The following MOGAT1 variants were observed in gnomAD, a reference collection of about 807,000 sequenced individuals.
MOGAT1 encodes the protein 2-acylglycerol O-acyltransferase 1.
Under a neutral mutation model 31.4 loss-of-function variants are expected in MOGAT1, and 32 were observed. The ratio of observed to expected loss-of-function variants is 1.02; its 90% CI spans 0.77 to 1.37. MOGAT1 has a LOEUF of 1.37. Among genes scored for constraint, MOGAT1 ranks in the 40% most tolerant of loss-of-function variants. The probability of loss-of-function intolerance (pLI) is 0.00; values close to 1 mark genes in which losing one functional copy is unlikely to be tolerated. For missense variants in MOGAT1, 426 were observed against 402.0 expected, an observed-to-expected ratio of 1.06 and a Z score of -0.51; for synonymous variants, 145 against 144.5, an observed-to-expected ratio of 1.00 and a Z score of -0.03.
At chr2:222,709,326 GA>G (rs1489716564) in intron 5 of MOGAT1, among the ~76,000 whole-genome samples, 1 of 152,084 alleles carries the variant, frequency 6.6e-6, no homozygotes, top group Non-Finnish European at 1.5e-5. Flanking sequence ...GTCTCAAAAA[GA>G]AGAGTCAGAC....
chr2:222,679,067 G>T (rs1055014604), intron 1 of MOGAT1, among the ~76,000 whole-genome samples: 2 of 152,156 alleles, frequency 1.3e-5, no homozygotes, highest in African/African-American at 2.4e-5. Flanking sequence ...GTTAATTTTT[G>T]TGTGTGGTAC....
chr2:222,691,424 G>C (rs1305639753), intron 3 of MOGAT1, among the ~76,000 whole-genome samples: 8 of 151,894 alleles, frequency 5.3e-5, no homozygotes. Context: ...AGCCAGGCTG[G>C]TCAAGAACTC....
chr2:222,708,617 G>A (rs1394319374), intron 5 of MOGAT1, among the ~76,000 whole-genome samples: 2 of 152,176 alleles, frequency 1.3e-5, no homozygotes, highest in African/African-American at 4.8e-5. Flanking sequence ...ATATAACACA[G>A]TTAGAGTGAA....
intron 5 of MOGAT1, among the ~76,000 whole-genome samples, chr2:222,698,196 T>C (rs768164917): frequency 1.3e-5 from 2 of 152,090 alleles, no homozygotes; most frequent in Non-Finnish European, 2.9e-5. Flanking sequence ...ATCTGGGGAG[T>C]AATTGCTAAC....
At chr2:222,683,878 C>A (rs72968051) in intron 1 of MOGAT1, among the ~76,000 whole-genome samples, 162 of 152,288 alleles carry the variant, frequency 1.1e-3, no homozygotes, top group Non-Finnish European at 1.9e-3. Flanking sequence ...AAAATTCAGG[C>A]CTTCAACTCA....
rs777934148 is a variant in MOGAT1 at position 222,709,720 on chromosome 2, A to G, written c.854-16A>G. 12 of 1,611,632 alleles carry G rather than the reference A, an allele frequency of 7.4e-6. No homozygotes were observed. The South Asian group carries it at 1.1e-4, about 15-fold the overall frequency. ...GGTTTTAGTTCCTCACGTATGATGT[A>G]TTCCCTGATTTGCAGTTGGCCGCCC... On this transcript the variant is annotated splice_polypyrimidine_tract_variant and intron_variant, in intron 5 of 5. Transcript: ENST00000446656.
chr2:222,685,948 T>C (rs1692659036), intron 1 of MOGAT1, among the ~76,000 whole-genome samples: 1 of 152,172 alleles, frequency 6.6e-6, no homozygotes, highest in Non-Finnish European at 1.5e-5. Context: ...TAAAGAGATA[T>C]GCAGCATGTA....
intron 1 of MOGAT1, 85 bp from the exon 2 acceptor site, chr2:222,688,259 A>T: frequency 1.0e-6 from 1 of 1,002,520 alleles, no homozygotes; most frequent in Non-Finnish European, 1.4e-6. Context: ...GACATATCTT[A>T]TATGTATTAA....
intron 1 of MOGAT1, among the ~76,000 whole-genome samples, chr2:222,687,889 G>C (rs1440187616): frequency 6.6e-6 from 1 of 152,198 alleles, no homozygotes; most frequent in Non-Finnish European, 1.5e-5. Flanking sequence ...TGTTCACATA[G>C]GGGAGCCAAT....
In MOGAT1 at chr2:222,689,380, A is replaced by G; in HGVS notation, c.389A>G (p.Lys130Arg). The change falls in exon 3 of 6, where the codon AAG (lysine) becomes AGG (arginine). Residue 130 changes from lysine to arginine, a missense_variant. Coordinates refer to ENST00000446656, the MANE Select transcript of MOGAT1 (RefSeq NM_058165.3). ...GNFSVNYSDFKDLFPGFTSYL... is the reference protein window; with the variant it reads ...GNFSVNYSDFRDLFPGFTSYL... Reference sequence around the variant, plus strand: ...TTTTCTGTAAATTATTCTGACTTCAAGGACCTGTTTCCTGGCTTTACTTCA... The same window carrying G: ...TTTTCTGTAAATTATTCTGACTTCAGGGACCTGTTTCCTGGCTTTACTTCA... 3 of 1,614,038 alleles carry G rather than the reference A, an allele frequency of 1.9e-6. No individual in the cohort carries two copies. Among genetic ancestry groups the G allele is most frequent in the Non-Finnish European group, 1.7e-6 (2 of 1,179,902 alleles).
At chr2:222,678,070 C>T (rs1221082526) in intron 1 of MOGAT1, 1 of 231,742 alleles carries the variant, frequency 4.3e-6, no homozygotes, top group Admixed American at 4.4e-5. Context: ...CAACCAAACT[C>T]TTCTTGTTCT....
intron 1 of MOGAT1, among the ~76,000 whole-genome samples, chr2:222,685,896 G>C (rs950432807): frequency 6.6e-6 from 1 of 151,750 alleles, no homozygotes; most frequent in Admixed American, 6.6e-5. Context: ...CACTGTGCCC[G>C]GCTGTGTTTT....
At chr2:222,675,203 T>C (rs1216099846) in intron 1 of MOGAT1, among the ~76,000 whole-genome samples, 1 of 152,216 alleles carries the variant, frequency 6.6e-6, no homozygotes, top group Non-Finnish European at 1.5e-5. Flanking sequence ...TTTTAAAAGA[T>C]GGAAGTTAGA....
intron 5 of MOGAT1, among the ~76,000 whole-genome samples, chr2:222,698,335 G>A (rs1359389526): frequency 6.6e-6 from 1 of 152,176 alleles, no homozygotes; most frequent in Non-Finnish European, 1.5e-5. Flanking sequence ...TAGATGTTGA[G>A]AAGAAAGCAA....
intron 3 of MOGAT1, 38 bp from the exon 4 acceptor site, chr2:222,694,324 A>G: frequency 5.3e-6 from 8 of 1,520,040 alleles, no homozygotes; most frequent in Non-Finnish European, 7.1e-6. Context: ...ATATTGTTAG[A>G]AAAGGATAAC....
intron 5 of MOGAT1, among the ~76,000 whole-genome samples, chr2:222,706,408 G>A (rs1014801695): frequency 6.6e-6 from 1 of 151,718 alleles, no homozygotes. Context: ...GGGGGGCAGA[G>A]GTTGCAGTGA....
chr2:222,706,994 C>A (rs1437476742), intron 5 of MOGAT1, among the ~76,000 whole-genome samples: 2 of 152,090 alleles, frequency 1.3e-5, no homozygotes, highest in Non-Finnish European at 2.9e-5. Context: ...AGTTTGAAGC[C>A]AGCAAGGCCA....
Position 222,688,471 on chromosome 2 carries a change from G to T in MOGAT1, c.222G>T (p.Trp74Cys). The stretch of plus-strand genomic sequence containing the variant: ...AGCGAGGAGGCAGGAGATCCAGCTG[G>T]ATCAAAAATTGGACTCTTTGGAAAC... ...TPERGGRRSS[W>C]IKNWTLWKHF... is the part of the protein sequence containing the mutation. Residue 74 changes from tryptophan to cysteine, a missense_variant, in exon 2 of 6, where the codon TGG becomes TGT. Transcript: ENST00000446656. 1 of 1,613,580 alleles carries T rather than the reference G, an allele frequency of 6.2e-7. No homozygotes were observed. The highest frequency in any genetic ancestry group is 8.5e-7 in the Non-Finnish European group (1 of 1,179,750).
chr2:222,698,089 G>A (rs149136558), intron 5 of MOGAT1, among the ~76,000 whole-genome samples: 13 of 143,658 alleles, frequency 9.0e-5, no homozygotes, highest in Non-Finnish European at 1.7e-4. Context: ...TAGGGAAGCA[G>A]GTCATAGACA....
Sources: gnomAD v4.1 joint callset for allele counts (sites outside exome capture counted in the v4.1 genomes callset) on GRCh38, gnomAD v4.1.1 for gene constraint, MANE v1.5 for transcripts, NCBI Gene and HGNC (gene_info 2026-07-23, HGNC 2026-07-21) for gene names.